The following CTNNA2 variants were observed in gnomAD, a reference collection of about 807,000 sequenced individuals.
CTNNA2 encodes catenin alpha-2.
Under a neutral mutation model 101.0 loss-of-function variants are expected in CTNNA2, and 42 were observed. The observed-to-expected ratio is 0.42, with a 90% CI of 0.32 to 0.54. CTNNA2 has a LOEUF of 0.54. CTNNA2 is among the 20% of genes least tolerant of loss of function. The probability of loss-of-function intolerance (pLI) is 0.14; values close to 1 mark genes in which losing one functional copy is unlikely to be tolerated. For synonymous variants in CTNNA2, 450 were observed against 456.4 expected (o/e 0.99, Z 0.18); for missense variants, 871 against 1,223.1 (o/e 0.71, Z 4.29).
At chr2:79,951,876 A>G (rs1477426733) in intron 7 of CTNNA2, among the ~76,000 whole-genome samples, 1 of 152,134 alleles carries the variant, frequency 6.6e-6, no homozygotes, top group Non-Finnish European at 1.5e-5. Context: ...GGCTTCCTAC[A>G]GTCCTACAGC....
At chr2:79,436,370 T>A (rs936002228) in intron 4 of CTNNA2, among the ~76,000 whole-genome samples, 1 of 152,182 alleles carries the variant, frequency 6.6e-6, no homozygotes, top group Non-Finnish European at 1.5e-5. Flanking sequence ...GTGTGTCTAG[T>A]GGCTGGCTAT....
rs188288876 is a variant in CTNNA2 at position 80,144,857 on chromosome 2, C to T, written c.1056+235060C>T. Among the ~76,000 whole-genome samples, 42 of 152,240 alleles carry T rather than the reference C, an allele frequency of 2.8e-4. No individual in the cohort carries two copies. The East Asian group carries it at 7.2e-3, about 26-fold the overall frequency. ...AGTTTGTTACTCTCATCACAACTGACGTTTGGGGCTGAGTAATTCTTTGTT... is the reference window on the plus strand; with the variant it reads ...AGTTTGTTACTCTCATCACAACTGATGTTTGGGGCTGAGTAATTCTTTGTT... On this transcript the variant is annotated intron_variant, in intron 7 of 18. Coordinates refer to ENST00000402739, the MANE Select transcript of CTNNA2 (RefSeq NM_001282597.3).
chr2:79,524,909 G>GC (rs767480038), intron 1 of CTNNA2: 29 of 135,912 alleles, frequency 2.1e-4, no homozygotes, highest in Non-Finnish European at 3.8e-4. Flanking sequence ...ATTCCATGGT[G>GC]CTTTTTTTTT....
Position 80,475,625 on chromosome 2 carries a change from T to A in CTNNA2, c.1290+56024T>A, listed in dbSNP as rs150130401. Among the ~76,000 whole-genome samples, 139 of 152,228 alleles carry A rather than the reference T, an allele frequency of 9.1e-4. 1 individual carries two copies. The highest frequency in any genetic ancestry group is 3.1e-3 in the African/African-American group (127 of 41,558). ...GGTGGGAGATTAGGTGTTTTGGGAC[T>A]TATTTCAGGGTCTACTATTCTTTGA... On this transcript the variant is annotated intron_variant, in intron 9 of 18. Transcript: ENST00000402739.
chr2:79,963,206 T>C (rs1339567375), intron 7 of CTNNA2, among the ~76,000 whole-genome samples: 1 of 152,020 alleles, frequency 6.6e-6, no homozygotes, highest in African/African-American at 2.4e-5. Flanking sequence ...CCCTGAAGTC[T>C]CACATTACTC....
intron 17 of CTNNA2, chr2:80,616,527 T>G (rs761550479): frequency 2.6e-5 from 4 of 151,742 alleles, no homozygotes; most frequent in African/African-American, 9.7e-5. Flanking sequence ...CAACTTTTTA[T>G]TAACCTCAAA....
chr2:79,414,250 G>A (rs1347376844), intron 4 of CTNNA2, among the ~76,000 whole-genome samples: 4 of 151,800 alleles, frequency 2.6e-5, no homozygotes, highest in Non-Finnish European at 5.9e-5. Flanking sequence ...TACAATCTAA[G>A]GCTAGTTTTA....
chr2:80,033,664 A>C (rs1292430011), intron 7 of CTNNA2, among the ~76,000 whole-genome samples: 1 of 152,234 alleles, frequency 6.6e-6, no homozygotes, highest in Non-Finnish European at 1.5e-5. Context: ...TCAGCAAATT[A>C]GACAATGAAT....
intron 1 of CTNNA2, among the ~76,000 whole-genome samples, chr2:79,188,993 C>T (rs886602453): frequency 1.3e-5 from 2 of 152,134 alleles, no homozygotes; most frequent in African/African-American, 4.8e-5. Flanking sequence ...TATGGTCAAA[C>T]CACACCCGGT....
intron 7 of CTNNA2, among the ~76,000 whole-genome samples, chr2:80,239,917 A>AC (rs904609128): frequency 5.9e-5 from 9 of 152,100 alleles, no homozygotes; most frequent in African/African-American, 1.9e-4. Flanking sequence ...CATCTCAAAA[A>AC]AAAAAACAAA....
chr2:80,531,710 T>C (rs954689373), intron 9 of CTNNA2, among the ~76,000 whole-genome samples: 11 of 152,182 alleles, frequency 7.2e-5, no homozygotes, highest in Non-Finnish European at 5.9e-5. Context: ...TAAGGAGACC[T>C]GGGAGGGGCA....
chr2:79,376,973 T>A (rs1361047880), intron 4 of CTNNA2, among the ~76,000 whole-genome samples: 2 of 152,126 alleles, frequency 1.3e-5, no homozygotes, highest in African/African-American at 4.8e-5. Context: ...TATAGCAGCA[T>A]GTTTTATAAT....
intron 7 of CTNNA2, among the ~76,000 whole-genome samples, chr2:80,213,285 A>T (rs1175281618): frequency 6.6e-6 from 1 of 151,936 alleles, no homozygotes; most frequent in East Asian, 1.9e-4. Flanking sequence ...TTGCTTCTCT[A>T]GTTCTTTTAA....
chr2:79,787,190 ATAAAT>A (rs796430054), intron 3 of CTNNA2, among the ~76,000 whole-genome samples: 7 of 152,312 alleles, frequency 4.6e-5, no homozygotes, highest in African/African-American at 1.7e-4. Context: ...GATTTTAAAA[ATAAAT>A]TATATTATTG....
chr2:79,252,539 C>T (rs1160038855), intron 2 of CTNNA2, among the ~76,000 whole-genome samples: 1 of 151,806 alleles, frequency 6.6e-6, no homozygotes, highest in East Asian at 1.9e-4. Flanking sequence ...TTGATTTTTC[C>T]CTTCACTTAG....
At chr2:80,454,659 G>C (rs942542663) in intron 9 of CTNNA2, among the ~76,000 whole-genome samples, 1 of 152,228 alleles carries the variant, frequency 6.6e-6, no homozygotes, top group African/African-American at 2.4e-5. Flanking sequence ...CGGAGGGCAA[G>C]TACCCTGGGC....
intron 3 of CTNNA2, among the ~76,000 whole-genome samples, chr2:79,328,120 T>C (rs1676788552): frequency 1.3e-5 from 2 of 152,126 alleles, no homozygotes; most frequent in Non-Finnish European, 2.9e-5. Flanking sequence ...TGTATCTCCT[T>C]AAATTAGATC....
At chr2:79,980,243 C>A (rs567888100) in intron 7 of CTNNA2, among the ~76,000 whole-genome samples, 8 of 152,220 alleles carry the variant, frequency 5.3e-5, no homozygotes, top group African/African-American at 1.9e-4. Flanking sequence ...CCTGAAATGA[C>A]ATTGTCATTT....
At position 79,870,327 on chromosome 2, in the gene CTNNA2, C is replaced by T. The variant is rs1682485466; in HGVS notation, c.585+392C>T. 1.3e-5 allele frequency among the ~76,000 whole-genome samples: 2 copies of T among 152,090 alleles called. 1 individual carries two copies. The highest frequency in any genetic ancestry group is 4.1e-4 in the South Asian group (2 of 4,822). ...TTTTGTCTCCTAGTCTTGTGAACAC[C>T]ACCACACATATACACTCCCAGGATA... On this transcript the variant is annotated intron_variant, in intron 5 of 18. Coordinates refer to ENST00000402739, the MANE Select transcript of CTNNA2 (RefSeq NM_001282597.3).
Sources: allele counts gnomAD v4.1 joint callset (sites outside exome capture counted in the v4.1 genomes callset), GRCh38; gene constraint gnomAD v4.1.1; transcripts MANE v1.5; gene names NCBI Gene and HGNC (gene_info 2026-07-23, HGNC 2026-07-21).